The following APLP2 variants were observed in gnomAD, a reference collection of about 807,000 sequenced individuals.
APLP2 encodes the protein CDEI box-binding protein.
In APLP2, 53 loss-of-function variants were observed where a neutral mutation model predicts 89.9. That is an observed-to-expected ratio of 0.59 (90% confidence interval 0.47 to 0.74). The LOEUF (loss-of-function observed/expected upper bound fraction) is 0.74, where lower values mean the gene tolerates loss of function less well. Ranked by LOEUF, APLP2 falls within the 30% of genes least tolerant of loss-of-function variation. The pLI is 0.00. For synonymous variants in APLP2, 372 were observed against 348.6 expected (o/e 1.07, Z -0.75); for missense variants, 973 against 975.9 (o/e 1.00, Z 0.04).
chr11:130,089,554 A>T (rs1257310516), intron 1 of APLP2, among the ~76,000 whole-genome samples: 1 of 152,236 alleles, frequency 6.6e-6, no homozygotes, highest in Non-Finnish European at 1.5e-5. Context: ...GTCTCAGAGT[A>T]TATATGCTCC....
intron 1 of APLP2, among the ~76,000 whole-genome samples, chr11:130,099,892 G>A (rs1394011647): frequency 3.9e-5 from 6 of 152,284 alleles, no homozygotes; most frequent in South Asian, 2.1e-4. Context: ...CTTGCTCTGC[G>A]GCAGGCATTG....
chr11:130,125,185 A>T (rs1305907196), intron 7 of APLP2, among the ~76,000 whole-genome samples: 1 of 152,252 alleles, frequency 6.6e-6, no homozygotes, highest in Admixed American at 6.5e-5. Context: ...TGCCGGCTTC[A>T]TGAGTGGGTG....
chr11:130,109,386 T>A (rs80111247), intron 1 of APLP2, 43 bp from the exon 2 acceptor site: 107,799 of 1,576,238 alleles, frequency 0.068, 3,957 homozygotes, highest in Non-Finnish European at 0.077. Flanking sequence ...GCCTCTGTGC[T>A]AGCCTTCTTG....
chr11:130,122,251 G>A, intron 5 of APLP2, 54 bp from the exon 6 acceptor site: 1 of 1,595,386 alleles, frequency 6.3e-7, no homozygotes, highest in Non-Finnish European at 8.6e-7. Flanking sequence ...ACCCATTGTT[G>A]TGCTTTGCAC....
chr11:130,137,283 T>C (rs752650439), intron 13 of APLP2: 2 of 1,614,022 alleles, frequency 1.2e-6, no homozygotes, highest in African/African-American at 2.7e-5. Flanking sequence ...TACCACCCAA[T>C]GAAAAAAGGT....
At chr11:130,089,004 TC>T (rs1944509021) in intron 1 of APLP2, among the ~76,000 whole-genome samples, 1 of 152,080 alleles carries the variant, frequency 6.6e-6, no homozygotes, top group Non-Finnish European at 1.5e-5. Context: ...TGTGAGTCCT[TC>T]CAGTATGATG....
In APLP2 at chr11:130,143,380, C is replaced by T. The variant is rs1177519022; in HGVS notation, c.2188C>T (p.Leu730=). ...AATGCTCACCCCAGAAGAGCGTCACCTGAACAAGATGCAGAACCATGGCTA... is the reference window on the plus strand; with the variant it reads ...AATGCTCACCCCAGAAGAGCGTCACTTGAACAAGATGCAGAACCATGGCTA... ...DPMLTPEERH[L]NKMQNHGYEN... The change falls in exon 17 of 17, where the codon CTG becomes TTG. Residue 730 remains leucine, a synonymous_variant. Coordinates refer to ENST00000338167, the MANE Select transcript of APLP2 (RefSeq NM_001142276.2). 1 of 1,613,840 alleles carries T rather than the reference C, an allele frequency of 6.2e-7. No homozygotes were observed. The highest frequency in any genetic ancestry group is 2.2e-5 in the East Asian group (1 of 44,880).
At chr11:130,073,987 G>A (rs1333630823) in intron 1 of APLP2, among the ~76,000 whole-genome samples, 5 of 152,132 alleles carry the variant, frequency 3.3e-5, no homozygotes, top group African/African-American at 1.2e-4. Context: ...TTATTTGAGA[G>A]TAAGTTGCAT....
At chr11:130,137,349 G>A (rs1198612111) in intron 13 of APLP2, 3 of 1,458,670 alleles carry the variant, frequency 2.1e-6, no homozygotes, top group East Asian at 4.6e-5. Context: ...TCCCTAGTGT[G>A]TCCGAAGCTT....
chr11:130,138,753 A>G (rs1591852266), intron 13 of APLP2: 1 of 124,776 alleles, frequency 8.0e-6, no homozygotes. Context: ...CCTCGGCTAA[A>G]TTTTTTTTTT....
intron 11 of APLP2, among the ~76,000 whole-genome samples, chr11:130,132,549 T>A (rs1468398561): frequency 6.6e-6 from 1 of 151,748 alleles, no homozygotes; most frequent in African/African-American, 2.4e-5. Flanking sequence ...TGCTAGCCCG[T>A]CACCTTTCAC....
At chr11:130,136,870 G>A (rs3758821) in intron 13 of APLP2, among the ~76,000 whole-genome samples, 8,375 of 152,176 alleles carry the variant, frequency 0.055, 288 homozygotes, top group East Asian at 0.14. Flanking sequence ...GTTGGGGGTC[G>A]GGGCAGCTTG....
Position 130,069,960 on chromosome 11 carries a change from A to G in APLP2, c.-18A>G. The G allele has an allele frequency of 6.7e-7, 1 of 1,494,152 alleles. No individual in the cohort carries two copies. Among genetic ancestry groups the G allele is most frequent in the Non-Finnish European group, 8.9e-7 (1 of 1,124,440 alleles). The allele number at this position is 1,494,152 out of a possible 1,614,324, so 92.6% of individuals were successfully genotyped here. On this transcript the variant is annotated 5_prime_UTR_variant, in exon 1 of 17. It removes the in-frame stop codon of an upstream open reading frame in the 5' UTR. Transcript: ENST00000338167. ...TGTGTGAGCTTGAGAGCCGCGCGCT[A>G]GAGCGACCCGGCGAGGGATGGCGGC...
At chr11:130,120,875 C>T in intron 4 of APLP2, 57 bp downstream of exon 4, 1 of 1,191,202 alleles carries the variant, frequency 8.4e-7, no homozygotes, top group Non-Finnish European at 1.3e-6. Context: ...AGGGAAGTAG[C>T]ACTTTTCTCC....
rs535077137 is a variant in APLP2, at chr11:130,142,466, C to T, written c.2154+392C>T. On this transcript the variant is annotated intron_variant, in intron 16 of 16. Coordinates refer to ENST00000338167, the MANE Select transcript of APLP2 (RefSeq NM_001142276.2). ...TTTCTGTTCTGTCTTCTGCTGGTTA[C>T]TGAACTTGTCTTGCCACTCACTCCT... Among the ~76,000 whole-genome samples the T allele has an allele frequency of 3.9e-5, 6 of 152,172 alleles. No individual in the cohort carries two copies. The East Asian group carries it at 1.2e-3, about 29-fold the overall frequency.
intron 3 of APLP2, among the ~76,000 whole-genome samples, chr11:130,118,820 C>G (rs555343732): frequency 2.0e-5 from 3 of 152,342 alleles, no homozygotes; most frequent in African/African-American, 7.2e-5. Context: ...ATGTCAGGCT[C>G]ACTTTCGCAA....
At chr11:130,106,093 A>C (rs559127107) in intron 1 of APLP2, among the ~76,000 whole-genome samples, 3 of 152,262 alleles carry the variant, frequency 2.0e-5, no homozygotes, top group African/African-American at 7.2e-5. Flanking sequence ...TAATGGTTAG[A>C]CTGCACATAA....
chr11:130,084,669 GCA>G (rs1190854173), intron 1 of APLP2, among the ~76,000 whole-genome samples: 1 of 151,998 alleles, frequency 6.6e-6, no homozygotes, highest in Non-Finnish European at 1.5e-5. Context: ...CCCTTGGGAT[GCA>G]GCAAAAGCAC....
chr11:130,085,679 G>A (rs1331416711), intron 1 of APLP2, among the ~76,000 whole-genome samples: 1 of 152,084 alleles, frequency 6.6e-6, no homozygotes, highest in African/African-American at 2.4e-5. Context: ...AACCATCCCC[G>A]CTGTCCATTT....
Sources: gnomAD v4.1 joint callset for allele counts (sites outside exome capture counted in the v4.1 genomes callset) on GRCh38, gnomAD v4.1.1 for gene constraint, MANE v1.5 for transcripts, NCBI Gene and HGNC (gene_info 2026-07-23, HGNC 2026-07-21) for gene names.